Variants in SHOX observed in about 807,000 individuals in gnomAD.
SHOX encodes the protein SHOX homeobox, also known as short stature homeobox protein.
SHOX carries 12 observed loss-of-function variants against 29.6 expected under a neutral mutation model. That is an observed-to-expected ratio of 0.41 (90% CI 0.26 to 0.66). The LOEUF is 0.66. Ranked by LOEUF, SHOX falls within the 30% of genes least tolerant of loss-of-function variation. The probability of loss-of-function intolerance (pLI) is 0.35; values close to 1 mark genes in which losing one functional copy is unlikely to be tolerated. For synonymous variants in SHOX, 214 were observed against 200.6 expected (o/e 1.07, Z -0.57); for missense variants, 499 against 437.7 (o/e 1.14, Z -1.25).
intron 1 of SHOX, among the ~76,000 whole-genome samples, chrX:631,386 G>A (rs2052645806): frequency 6.6e-6 from 1 of 152,216 alleles, no homozygotes; most frequent in South Asian, 2.1e-4. Context: ...GGGGTGCGGG[G>A]GGACCCAGGG....
rs747816679 is a variant in SHOX at position 650,584 on chromosome X, C to G, written c.*5948C>G. On this transcript the variant is annotated 3_prime_UTR_variant, in exon 5 of 5. Transcript: ENST00000686671. ...TCCTCGCCTCTGGGTTTCATGCTGA[C>G]CTTTCTAACATTTGTTTTCCCCTAA... Among the ~76,000 whole-genome samples, 1 of 151,756 alleles carries G rather than the reference C, an allele frequency of 6.6e-6. No homozygotes were observed. The highest frequency in any genetic ancestry group is 2.0e-4 in the East Asian group (1 of 5,116).
chrX:650,792 TAA>T lies in SHOX; in HGVS notation c.*6182_*6183del, dbSNP rs1041655715. Among the ~76,000 whole-genome samples, 938 of 50,748 alleles carry T rather than the reference TAA, an allele frequency of 0.018. 13 individuals are homozygous for T. Among genetic ancestry groups the T allele is most frequent in the African/African-American group, 0.057 (830 of 14,690 alleles). The allele number at this position is 50,748 out of a possible 152,430, so 33.3% of individuals were successfully genotyped here. The stretch of plus-strand genomic sequence containing the variant: ...GGCTTTCGGTGGACACGTTTGACAT[TAA>T]AAAAAAAAAAAAAAAAAAAAAAAAA... On this transcript the variant is annotated 3_prime_UTR_variant, in exon 5 of 5. Coordinates refer to ENST00000686671, the MANE Select transcript of SHOX (RefSeq NM_000451.4).
In SHOX at chrX:646,873, T is replaced by C. The variant is rs1422850348; in HGVS notation, c.*2237T>C. ...GAAAAGAAGAATTGCATTTTGAATC[T>C]TTGGGAAGTAGGTTCATTCATCAGA... On this transcript the variant is annotated 3_prime_UTR_variant, in exon 5 of 5. Coordinates refer to ENST00000686671, the MANE Select transcript of SHOX (RefSeq NM_000451.4). The C allele has an allele frequency of 6.6e-6, 1 of 152,092 alleles. No homozygotes were observed. Among genetic ancestry groups the C allele is most frequent in the Non-Finnish European group, 1.5e-5 (1 of 68,028 alleles). 9.4% of individuals were successfully genotyped at this position (152,092 alleles called of 1,614,324 possible). A position where few individuals can be genotyped will look rare whatever the true frequency, so the allele number is the denominator to read the frequency against.
rs1314932555 is a variant in SHOX, at chrX:624,730, T to TTTCTTTCTTTCTTTC, written c.-433+138_-433+139insCTTTCTTCTTTCTTT. The TTTCTTTCTTTCTTTC allele has an allele frequency of 2.7e-5, 4 of 145,904 alleles. 1 individual carries two copies. Among genetic ancestry groups the TTTCTTTCTTTCTTTC allele is most frequent in the Non-Finnish European group, 6.0e-5 (4 of 66,754 alleles). The allele number at this position is 145,904 out of a possible 1,614,324, so 9.0% of individuals were successfully genotyped here. ...CTTTCTTTCTTTCTTTCTTTCTTTC[T>TTTCTTTCTTTCTTTC]TTCTTTCTTTTCTTTCTTCCTTTCA... On this transcript the variant is annotated intron_variant, in intron 1 of 5. Transcript: ENST00000334060.
rs1556471413 is a variant in SHOX, at chrX:648,882, C to CCCT, written c.*4246_*4247insCCT. ...TCTCACCACCAACGCCCTCTTCTCT[C>CCCT]TCCCTTCTCCTTCCTTCCTTCCTTC... On this transcript the variant is annotated 3_prime_UTR_variant, in exon 5 of 5. Coordinates refer to ENST00000686671, the MANE Select transcript of SHOX (RefSeq NM_000451.4). 1.6e-5 allele frequency among the ~76,000 whole-genome samples: 2 copies of CCCT among 127,872 alleles called. No homozygotes were observed. The highest frequency in any genetic ancestry group is 3.4e-5 in the Non-Finnish European group (2 of 58,850). The allele number at this position is 127,872 out of a possible 152,430, so 83.9% of individuals were successfully genotyped here.
downstream of SHOX, among the ~76,000 whole-genome samples, chrX:655,706 T>C (rs965544880): frequency 1.1e-4 from 16 of 148,982 alleles, no homozygotes; most frequent in Non-Finnish European, 2.1e-4. Flanking sequence ...GTTTTCCCCT[T>C]GGGAAAGTGA....
At chrX:659,003 G>A in exon 6 of SHOX, 1 of 166,372 alleles carries the variant, frequency 6.0e-6, no homozygotes, top group Non-Finnish European at 1.3e-5. Context: ...GACCTCAGGT[G>A]ATCCACCCGC....
chrX:630,334 C>T, upstream of SHOX: 1 of 155,778 alleles, frequency 6.4e-6, no homozygotes, highest in Non-Finnish European at 1.4e-5. Flanking sequence ...TCAACCCCGG[C>T]GCGACCCGGG....
chrX:652,519 G>C (rs761597223), downstream of SHOX, among the ~76,000 whole-genome samples: 38 of 152,140 alleles, frequency 2.5e-4, no homozygotes, highest in Admixed American at 1.8e-3. Flanking sequence ...AGGGTGGGCA[G>C]TGCTGGGGGA....
At chrX:628,257 TTCTCTCTCTCCATCTCTCCC>T, upstream of SHOX, among the ~76,000 whole-genome samples, 1 of 140,546 alleles carries the variant, frequency 7.1e-6, no homozygotes, top group Admixed American at 7.0e-5. Context: ...GTCTCTCCCT[TTCTCTCTCTCCATCTCTCCC>T]TGTCTCTCTC....
In SHOX at chrX:650,127, T is replaced by G. The variant is rs2053032308; in HGVS notation, c.*5491T>G. Reference sequence around the variant, plus strand: ...CACAGGCAGTGGTGACAGGGCCCCTTGGCTGTGGCTGTCTTCTCCAGCGCC... The same window carrying G: ...CACAGGCAGTGGTGACAGGGCCCCTGGGCTGTGGCTGTCTTCTCCAGCGCC... On this transcript the variant is annotated 3_prime_UTR_variant, in exon 5 of 5. Coordinates refer to ENST00000686671, the MANE Select transcript of SHOX (RefSeq NM_000451.4). The G allele has an allele frequency of 2.4e-6, 1 of 423,154 alleles. No homozygotes were observed. Among genetic ancestry groups the G allele is most frequent in the East Asian group, 7.0e-5 (1 of 14,236 alleles). 26.2% of individuals were successfully genotyped at this position (423,154 alleles called of 1,614,324 possible). A position where few individuals can be genotyped will look rare whatever the true frequency, so the allele number is the denominator to read the frequency against.
At chrX:658,163 T>C (rs146611816) in intron 5 of SHOX, among the ~76,000 whole-genome samples, 2 of 151,968 alleles carry the variant, frequency 1.3e-5, no homozygotes, top group East Asian at 3.9e-4. Flanking sequence ...TCAGTAGAGA[T>C]GAGGTTTTAC....
chrX:658,069 G>C (rs2053171701), intron 5 of SHOX, among the ~76,000 whole-genome samples: 1 of 151,930 alleles, frequency 6.6e-6, no homozygotes, highest in Non-Finnish European at 1.5e-5. Context: ...CAGCCTCCCA[G>C]GTACAAGCGA....
intron 1 of SHOX, among the ~76,000 whole-genome samples, chrX:625,422 G>C (rs1219285537): frequency 6.6e-6 from 1 of 151,986 alleles, no homozygotes; most frequent in Non-Finnish European, 1.5e-5. Context: ...ACGGTGAAAA[G>C]TCTCTTCTCA....
At position 651,106 on chromosome X, in the gene SHOX, AT is replaced by A. The variant is rs112268799; in HGVS notation, c.*6479del. On this transcript the variant is annotated 3_prime_UTR_variant, in exon 5 of 5. Transcript: ENST00000686671. ...TGTGATGTATGTGCATTTGTTATTT[AT>A]TTTTTTTTCCTTGGTCGGACGTTCA... 5.7e-5 allele frequency: 19 copies of A among 336,058 alleles called. No individual in the cohort carries two copies. Among genetic ancestry groups the A allele is most frequent in the South Asian group, 1.7e-4 (7 of 41,384 alleles). 20.8% of individuals were successfully genotyped at this position (336,058 alleles called of 1,614,324 possible).
upstream of SHOX, among the ~76,000 whole-genome samples, chrX:629,704 G>A (rs1265063818): frequency 1.3e-5 from 2 of 152,138 alleles, no homozygotes; most frequent in Non-Finnish European, 2.9e-5. Flanking sequence ...CCGCCGGGGA[G>A]GAAGATGCGC....
chrX:649,769 T>A lies in SHOX; in HGVS notation c.*5133T>A, dbSNP rs750748535. Among the ~76,000 whole-genome samples the A allele has an allele frequency of 1.1e-4, 16 of 152,278 alleles. No homozygotes were observed. The highest frequency in any genetic ancestry group is 3.6e-4 in the African/African-American group (15 of 41,568). On this transcript the variant is annotated 3_prime_UTR_variant, in exon 5 of 5. Transcript: ENST00000686671. ...GAACGATGCTGGGTTGGGTCCTGAT[T>A]GATACGTATTTTCTTCCCTCCTCTC...
At chrX:632,902 T>A (rs1477137343) in intron 1 of SHOX, among the ~76,000 whole-genome samples, 4 of 152,130 alleles carry the variant, frequency 2.6e-5, no homozygotes, top group Non-Finnish European at 1.5e-5. Flanking sequence ...GGGTTGCTTT[T>A]TGGTTGTCCT....
upstream of SHOX, chrX:630,510 G>A: frequency 2.8e-6 from 1 of 354,984 alleles, no homozygotes; most frequent in Non-Finnish European, 5.2e-6. Context: ...GAGAACGCGG[G>A]TAACCTGTGT....
Sources: gnomAD v4.1 joint callset for allele counts (sites outside exome capture counted in the v4.1 genomes callset) on GRCh38, gnomAD v4.1.1 for gene constraint, MANE v1.5 for transcripts, NCBI Gene and HGNC (gene_info 2026-07-23, HGNC 2026-07-21) for gene names.